Variants in ESRRG observed in about 807,000 individuals in gnomAD.
The protein encoded by ESRRG is estrogen-related receptor gamma.
Under a neutral mutation model 44.0 loss-of-function variants are expected in ESRRG, and 13 were observed. That is an observed-to-expected ratio of 0.30 (90% CI 0.19 to 0.47). The LOEUF (loss-of-function observed/expected upper bound fraction) is 0.47, where lower values mean the gene tolerates loss of function less well. Ranked by LOEUF, ESRRG falls within the 20% of genes least tolerant of loss-of-function variation. ESRRG has a pLI of 1.00. For synonymous variants in ESRRG, 215 were observed against 214.6 expected (o/e 1.00, Z -0.02); for missense variants, 395 against 580.6 (o/e 0.68, Z 3.29).
rs749081866 is a variant in ESRRG at position 217,079,744 on chromosome 1, C to T, written c.-106+9763G>A. Among the ~76,000 whole-genome samples the T allele has an allele frequency of 6.6e-5, 10 of 152,200 alleles. No individual in the cohort carries two copies. The South Asian group carries it at 8.3e-4, about 13-fold the overall frequency. ...CAAGGGCTTACCACAGCGCCTGGCA[C>T]GCATGCATTTACAAACATTTACTGA... On this transcript the variant is annotated intron_variant, in intron 1 of 7. Transcript: ENST00000359162.
chr1:217,135,387 G>A (rs999704500), intron 1 of ESRRG, among the ~76,000 whole-genome samples: 1 of 152,226 alleles, frequency 6.6e-6, no homozygotes, highest in Non-Finnish European at 1.5e-5. Context: ...GGCCAAAGAG[G>A]TGAGGGGAGG....
chr1:216,823,792 C>T (rs2095342526), intron 2 of ESRRG, among the ~76,000 whole-genome samples: 1 of 152,112 alleles, frequency 6.6e-6, no homozygotes, highest in Non-Finnish European at 1.5e-5. Flanking sequence ...AATAGTTTCT[C>T]AGGAAAATTT....
At chr1:217,004,119 C>T (rs1163835908) in intron 1 of ESRRG, among the ~76,000 whole-genome samples, 1 of 152,052 alleles carries the variant, frequency 6.6e-6, no homozygotes, top group Non-Finnish European at 1.5e-5. Flanking sequence ...ACAATGTTTA[C>T]ATTTCTACAA....
At chr1:216,647,973 G>T (rs2068007608) in intron 3 of ESRRG, among the ~76,000 whole-genome samples, 1 of 152,182 alleles carries the variant, frequency 6.6e-6, no homozygotes, top group Admixed American at 6.6e-5. Flanking sequence ...TGTGCCATCA[G>T]CCTGTATGGA....
chr1:216,641,521 G>A (rs1459297164), intron 3 of ESRRG, among the ~76,000 whole-genome samples: 1 of 152,202 alleles, frequency 6.6e-6, no homozygotes, highest in Non-Finnish European at 1.5e-5. Flanking sequence ...GGTGCACAAA[G>A]TCAGTGGATC....
chr1:216,779,693 C>T (rs1405404679), intron 2 of ESRRG, among the ~76,000 whole-genome samples: 1 of 147,708 alleles, frequency 6.8e-6, no homozygotes, highest in Non-Finnish European at 1.5e-5. Context: ...TATTTTAGCA[C>T]TTCTTGCTAA....
chr1:216,801,829 G>A (rs2094631335), intron 2 of ESRRG, among the ~76,000 whole-genome samples: 1 of 152,070 alleles, frequency 6.6e-6, no homozygotes, highest in South Asian at 2.1e-4. Flanking sequence ...ACCAATTCTT[G>A]ATAATTAGGA....
chr1:216,904,927 T>C (rs1024026394), intron 2 of ESRRG, among the ~76,000 whole-genome samples: 1 of 152,134 alleles, frequency 6.6e-6, no homozygotes, highest in African/African-American at 2.4e-5. Flanking sequence ...CAAAATGAGA[T>C]TAAGGGCCCA....
At chr1:216,675,578 T>C (rs1022484432) in intron 2 of ESRRG, among the ~76,000 whole-genome samples, 2 of 152,200 alleles carry the variant, frequency 1.3e-5, no homozygotes, top group African/African-American at 4.8e-5. Context: ...TGATGGTCTA[T>C]GGTCAGTGGT....
intron 1 of ESRRG, among the ~76,000 whole-genome samples, chr1:217,009,573 T>C (rs2078237276): frequency 6.6e-6 from 1 of 152,222 alleles, no homozygotes; most frequent in Non-Finnish European, 1.5e-5. Context: ...TCATTGTCTA[T>C]TGTTCATGGT....
At position 216,527,652 on chromosome 1, in the gene ESRRG, C is replaced by T. The variant is rs140178525; in HGVS notation, c.863-8231G>A. ...TCCCTAAGCACCGCCATCCACCTGC[C>T]ACCTTACTCTTGGCCCTTCACTGAT... On this transcript the variant is annotated intron_variant, in intron 5 of 6. Coordinates refer to ENST00000408911, the MANE Select transcript of ESRRG (RefSeq NM_001438.4). 1.8e-3 allele frequency among the ~76,000 whole-genome samples: 271 copies of T among 152,294 alleles called. 2 individuals are homozygous for T. Among genetic ancestry groups the T allele is most frequent in the African/African-American group, 6.3e-3 (260 of 41,570 alleles).
At chr1:216,608,823 A>C (rs2060257780) in intron 3 of ESRRG, among the ~76,000 whole-genome samples, 1 of 152,192 alleles carries the variant, frequency 6.6e-6, no homozygotes. Flanking sequence ...TCTTGTTATA[A>C]AAACCACTTT....
In ESRRG at chr1:216,850,874, A is replaced by C. The variant is rs946982268; in HGVS notation, c.-14+88708T>G. Reference sequence around the variant, plus strand: ...CTATGGAAATATTGCTTAGTTAAGAAAGAGATGTGCTTAGATAATATCACA... The same window carrying C: ...CTATGGAAATATTGCTTAGTTAAGACAGAGATGTGCTTAGATAATATCACA... On this transcript the variant is annotated intron_variant, in intron 2 of 7. Transcript: ENST00000359162. 2.2e-3 allele frequency among the ~76,000 whole-genome samples: 334 copies of C among 152,020 alleles called. 1 individual carries two copies. The highest frequency in any genetic ancestry group is 7.9e-3 in the African/African-American group (328 of 41,504).
intron 2 of ESRRG, among the ~76,000 whole-genome samples, chr1:216,764,268 C>T (rs1413754290): frequency 1.3e-5 from 2 of 150,292 alleles, no homozygotes; most frequent in Non-Finnish European, 3.0e-5. Context: ...AGGCTGGACT[C>T]TTTTACTCTT....
intron 2 of ESRRG, among the ~76,000 whole-genome samples, chr1:216,795,632 C>T (rs1199294080): frequency 1.3e-5 from 2 of 151,956 alleles, no homozygotes; most frequent in Admixed American, 6.6e-5. Context: ...CACGCCACTG[C>T]ACCTGGCCTC....
At chr1:217,105,655 T>A (rs1005919772) in intron 1 of ESRRG, among the ~76,000 whole-genome samples, 2 of 152,152 alleles carry the variant, frequency 1.3e-5, no homozygotes, top group Admixed American at 1.3e-4. Context: ...CTGACTCCTG[T>A]AGGAGCGCCT....
upstream of ESRRG, among the ~76,000 whole-genome samples, chr1:216,725,550 C>A (rs1476522738): frequency 6.6e-6 from 1 of 152,080 alleles, no homozygotes; most frequent in South Asian, 2.1e-4. Context: ...CTAAAATACA[C>A]TCAAAGAAAT....
intron 2 of ESRRG, among the ~76,000 whole-genome samples, chr1:216,893,828 A>T (rs1472397463): frequency 6.6e-6 from 1 of 152,154 alleles, no homozygotes; most frequent in East Asian, 1.9e-4. Context: ...GACTGCTCCT[A>T]AAAGGTACAT....
At chr1:217,009,131 C>T (rs1211591774) in intron 1 of ESRRG, among the ~76,000 whole-genome samples, 1 of 152,150 alleles carries the variant, frequency 6.6e-6, no homozygotes, top group East Asian at 1.9e-4. Flanking sequence ...TACTAAAATG[C>T]TTCCTGCTCA....
Sources: gnomAD v4.1 joint callset for allele counts (sites outside exome capture counted in the v4.1 genomes callset) on GRCh38, gnomAD v4.1.1 for gene constraint, MANE v1.5 for transcripts, NCBI Gene and HGNC (gene_info 2026-07-23, HGNC 2026-07-21) for gene names.